Variants in CLIP1 observed in about 807,000 individuals in gnomAD.
The protein encoded by CLIP1 is CAP-Gly domain containing linker protein 1.
Under a neutral mutation model 161.6 loss-of-function variants are expected in CLIP1, and 66 were observed. The ratio of observed to expected loss-of-function variants is 0.41; its 90% CI spans 0.33 to 0.50. CLIP1 has a LOEUF of 0.50. Among genes scored for constraint, CLIP1 ranks in the 20% least tolerant of loss-of-function variants. The pLI, the probability that CLIP1 is intolerant of heterozygous loss-of-function variation, is 0.27. For synonymous variants in CLIP1, 598 were observed against 626.2 expected (o/e 0.96, Z 0.67); for missense variants, 1,376 against 1,702.0 (o/e 0.81, Z 3.37).
At chr12:122,348,843 G>A (rs1836151456) in intron 9 of CLIP1, among the ~76,000 whole-genome samples, 1 of 152,194 alleles carries the variant, frequency 6.6e-6, no homozygotes, top group African/African-American at 2.4e-5. Context: ...AAAGTGCAGA[G>A]CTTCAGTAGA....
intron 24 of CLIP1, chr12:122,277,590 T>C (rs1955482194): frequency 6.6e-6 from 1 of 152,230 alleles, no homozygotes; most frequent in Non-Finnish European, 1.5e-5. Context: ...AACAAACCCT[T>C]TGACAGAGCA....
chr12:122,354,442 TC>T lies in CLIP1; in HGVS notation c.1307+10del. The T allele has an allele frequency of 6.2e-7, 1 of 1,607,904 alleles. No individual in the cohort carries two copies. The highest frequency in any genetic ancestry group is 8.5e-7 in the Non-Finnish European group (1 of 1,175,126). ...AGGCCACACTTGCACCAGGAAACAG[TC>T]TGGGGTCACCTTTTCTCCTCTTCAA... On this transcript the variant is annotated intron_variant, in intron 7 of 25. Transcript: ENST00000620786.
chr12:122,274,634 G>A (rs1955325770), intron 24 of CLIP1: 1 of 153,350 alleles, frequency 6.5e-6, no homozygotes, highest in Admixed American at 6.5e-5. Context: ...CTGTCTCCTG[G>A]GTTCAAGCAA....
intron 1 of CLIP1, among the ~76,000 whole-genome samples, chr12:122,398,761 C>G (rs1364719891): frequency 6.6e-6 from 1 of 151,836 alleles, no homozygotes; most frequent in African/African-American, 2.4e-5. Flanking sequence ...GGAATCCCAG[C>G]TACTTCGGAG....
chr12:122,339,493 A>T (rs1369552634), intron 11 of CLIP1, among the ~76,000 whole-genome samples: 1 of 151,970 alleles, frequency 6.6e-6, no homozygotes, highest in African/African-American at 2.4e-5. Flanking sequence ...GCACACCACC[A>T]CACCTGGCTA....
intron 2 of CLIP1, among the ~76,000 whole-genome samples, chr12:122,379,620 T>C (rs1281475528): frequency 6.6e-6 from 1 of 150,890 alleles, no homozygotes; most frequent in South Asian, 2.1e-4. Flanking sequence ...CATTAAGCTC[T>C]CCACATATAA....
chr12:122,296,861 CAA>C (rs56071033), intron 20 of CLIP1, among the ~76,000 whole-genome samples: 8,117 of 57,926 alleles, frequency 0.14, 557 homozygotes, highest in African/African-American at 0.35. Context: ...GAGACTACCT[CAA>C]AAAAAAAAAA....
At chr12:122,386,568 G>A (rs934112460) in intron 1 of CLIP1, among the ~76,000 whole-genome samples, 4 of 152,260 alleles carry the variant, frequency 2.6e-5, no homozygotes, top group Admixed American at 2.0e-4. Flanking sequence ...TTACAGTTTA[G>A]ATTTTCAACA....
intron 25 of CLIP1, 49 bp from the exon 26 acceptor site, chr12:122,273,149 A>G: frequency 6.5e-7 from 1 of 1,531,502 alleles, no homozygotes; most frequent in Non-Finnish European, 9.0e-7. Context: ...AAGAAACTGA[A>G]GAGACAAGAA....
chr12:122,397,858 G>A (rs192718506), intron 1 of CLIP1, among the ~76,000 whole-genome samples: 17 of 152,102 alleles, frequency 1.1e-4, no homozygotes, highest in African/African-American at 2.9e-4. Flanking sequence ...AGTAGGCTGA[G>A]GCAGGATAAT....
chr12:122,338,861 G>C (rs882969), intron 11 of CLIP1, among the ~76,000 whole-genome samples: 18,010 of 152,038 alleles, frequency 0.12, 1,458 homozygotes, highest in East Asian at 0.45. Flanking sequence ...TTAGTATTTC[G>C]GAACCACATG....
chr12:122,363,320 C>CGTCTCTACTAAAAATACAAAAATTAG (rs1390096356), intron 4 of CLIP1, among the ~76,000 whole-genome samples: 1 of 151,936 alleles, frequency 6.6e-6, no homozygotes, highest in Admixed American at 6.6e-5. Context: ...GGCAACACCC[C>CGTCTCTACTAAAAATACAAAAATTAG]GTCTCTACTA....
intron 19 of CLIP1, among the ~76,000 whole-genome samples, chr12:122,315,709 C>T (rs895517378): frequency 5.4e-5 from 8 of 149,268 alleles, no homozygotes; most frequent in South Asian, 2.1e-4. Flanking sequence ...GGCTCGATCT[C>T]GGCTCACTGC....
intron 20 of CLIP1, among the ~76,000 whole-genome samples, chr12:122,297,401 A>C (rs1394184725): frequency 2.6e-5 from 4 of 152,288 alleles, no homozygotes; most frequent in Non-Finnish European, 4.4e-5. Flanking sequence ...TTTTTGGAAC[A>C]CAGGCACACA....
intron 5 of CLIP1, 109 bp downstream of exon 5, chr12:122,360,850 C>T (rs761390604): frequency 3.5e-6 from 3 of 869,378 alleles, no homozygotes; most frequent in Non-Finnish European, 5.0e-6. Context: ...CTGTGAGCAA[C>T]ATTCAGCACA....
intron 1 of CLIP1, among the ~76,000 whole-genome samples, chr12:122,415,873 T>A (rs1956739379): frequency 6.6e-6 from 1 of 152,046 alleles, no homozygotes; most frequent in Non-Finnish European, 1.5e-5. Context: ...AAAGGACGGC[T>A]TTGTTACAAG....
intron 21 of CLIP1, among the ~76,000 whole-genome samples, chr12:122,282,984 T>G (rs1032099202): frequency 1.3e-5 from 2 of 152,158 alleles, no homozygotes; most frequent in Non-Finnish European, 1.5e-5. Flanking sequence ...GCACGGGACC[T>G]CCTCAGAATT....
chr12:122,391,600 TA>T (rs1360132199), intron 1 of CLIP1, among the ~76,000 whole-genome samples: 1 of 150,502 alleles, frequency 6.6e-6, no homozygotes, highest in African/African-American at 2.5e-5. Context: ...AAGAAAATAA[TA>T]AATAAAATAG....
At chr12:122,419,822 G>C (rs913925725) in intron 1 of CLIP1, among the ~76,000 whole-genome samples, 2 of 150,534 alleles carry the variant, frequency 1.3e-5, no homozygotes, top group African/African-American at 4.9e-5. Flanking sequence ...TGTAATCCCA[G>C]CTACTCGGGA....
Sources: allele counts gnomAD v4.1 joint callset (sites outside exome capture counted in the v4.1 genomes callset), GRCh38; gene constraint gnomAD v4.1.1; transcripts MANE v1.5; gene names NCBI Gene and HGNC (gene_info 2026-07-23, HGNC 2026-07-21).